ASH1L: variants seen among roughly 807,000 people sequenced by gnomAD.
The protein encoded by ASH1L is histone-lysine N-methyltransferase ASH1L.
ASH1L carries 23 observed loss-of-function variants against 269.0 expected under a neutral mutation model. The observed-to-expected ratio is 0.09, with a 90% CI of 0.06 to 0.12. The LOEUF is 0.12. Among genes scored for constraint, ASH1L ranks in the 10% least tolerant of loss-of-function variants. The probability of loss-of-function intolerance (pLI) is 1.00; values close to 1 mark genes in which losing one functional copy is unlikely to be tolerated. For missense variants in ASH1L, 2,912 were observed against 3,567.8 expected, an observed-to-expected ratio of 0.82 and a Z score of 4.68; for synonymous variants, 1,187 against 1,253.5, an observed-to-expected ratio of 0.95 and a Z score of 1.12.
At chr1:155,471,307 G>A (rs1009644906) in intron 3 of ASH1L, among the ~76,000 whole-genome samples, 10 of 152,230 alleles carry the variant, frequency 6.6e-5, no homozygotes, top group African/African-American at 2.4e-4. Flanking sequence ...GAATGTCTCT[G>A]TTACGACAGT....
At chr1:155,433,585 G>C (rs760007664) in intron 5 of ASH1L, 1 of 1,610,978 alleles carries the variant, frequency 6.2e-7, no homozygotes, top group South Asian at 1.1e-5. Context: ...ACCCGCAGGA[G>C]TCCCAGAACA....
chr1:155,522,191 G>C (rs927303987), intron 1 of ASH1L, among the ~76,000 whole-genome samples: 2 of 152,160 alleles, frequency 1.3e-5, no homozygotes, highest in Non-Finnish European at 2.9e-5. Context: ...TTTTAGAAGA[G>C]ATTATCAGGC....
chr1:155,371,556 TAAATA>T (rs1655947033), intron 10 of ASH1L, among the ~76,000 whole-genome samples: 1 of 151,770 alleles, frequency 6.6e-6, no homozygotes, highest in African/African-American at 2.4e-5. Flanking sequence ...TCAAAATAAA[TAAATA>T]AAATAAATAA....
intron 4 of ASH1L, among the ~76,000 whole-genome samples, chr1:155,443,130 A>G (rs1433093618): frequency 6.6e-6 from 1 of 152,242 alleles, no homozygotes; most frequent in East Asian, 1.9e-4. Flanking sequence ...ATTAACACGT[A>G]GTTGAAGAAT....
At chr1:155,548,491 C>A (rs1173298778) in intron 1 of ASH1L, among the ~76,000 whole-genome samples, 1 of 152,168 alleles carries the variant, frequency 6.6e-6, no homozygotes, top group Non-Finnish European at 1.5e-5. Context: ...CCATTGTACT[C>A]CAGCCTAGGC....
intron 13 of ASH1L, among the ~76,000 whole-genome samples, chr1:155,358,357 A>G (rs1167762338): frequency 6.6e-6 from 1 of 152,092 alleles, no homozygotes; most frequent in Non-Finnish European, 1.5e-5. Context: ...AGTACAGAGT[A>G]AAAAACTGTC....
At chr1:155,551,274 C>G (rs1207832166) in intron 1 of ASH1L, among the ~76,000 whole-genome samples, 1 of 151,152 alleles carries the variant, frequency 6.6e-6, no homozygotes, top group Non-Finnish European at 1.5e-5. Context: ...GTATCTTTTC[C>G]TCGGGGGGGA....
chr1:155,486,098 C>G (rs919889800), intron 2 of ASH1L, among the ~76,000 whole-genome samples: 1 of 152,154 alleles, frequency 6.6e-6, no homozygotes, highest in Admixed American at 6.5e-5. Flanking sequence ...GACATTTGAA[C>G]TCAACCAAAA....
chr1:155,470,086 TCCC>T (rs986038029), intron 3 of ASH1L, among the ~76,000 whole-genome samples: 4 of 152,052 alleles, frequency 2.6e-5, no homozygotes, highest in Admixed American at 6.6e-5. Context: ...AATTCAAAAC[TCCC>T]TCCTCCTTCC....
chr1:155,465,302 A>ACC (rs1323866482), intron 3 of ASH1L, among the ~76,000 whole-genome samples: 1 of 151,502 alleles, frequency 6.6e-6, no homozygotes, highest in East Asian at 1.9e-4. Context: ...AAAAAAAAAA[A>ACC]AAAAAAAAAA....
At chr1:155,496,009 AT>A (rs1370460417) in intron 2 of ASH1L, among the ~76,000 whole-genome samples, 3 of 152,328 alleles carry the variant, frequency 2.0e-5, no homozygotes, top group South Asian at 2.1e-4. Context: ...TTAAAAAAAA[AT>A]AAATAAATAA....
intron 1 of ASH1L, among the ~76,000 whole-genome samples, chr1:155,534,180 G>GA (rs1011328835): frequency 0.02 from 2,248 of 110,526 alleles, 50 homozygotes; most frequent in African/African-American, 0.064. Flanking sequence ...TCTCAAAAAA[G>GA]AAAAAAAAAA....
intron 3 of ASH1L, among the ~76,000 whole-genome samples, chr1:155,461,386 A>AT (rs1294611210): frequency 5.3e-5 from 8 of 151,150 alleles, no homozygotes; most frequent in South Asian, 2.1e-4. Flanking sequence ...AACACGTTAA[A>AT]TTTTTTTTTA....
intron 12 of ASH1L, among the ~76,000 whole-genome samples, chr1:155,361,683 A>T (rs888283285): frequency 3.3e-5 from 5 of 151,784 alleles, no homozygotes; most frequent in African/African-American, 1.2e-4. Context: ...TAGCCTGGGC[A>T]ACAGGACGAG....
chr1:155,471,374 C>T (rs1331880175), intron 3 of ASH1L, among the ~76,000 whole-genome samples: 1 of 152,208 alleles, frequency 6.6e-6, no homozygotes, highest in Non-Finnish European at 1.5e-5. Context: ...AAGACCAAAT[C>T]ACATAATTAA....
At chr1:155,357,276 T>A (rs536616748) in intron 15 of ASH1L, 40 bp downstream of exon 15, 1 of 1,508,716 alleles carries the variant, frequency 6.6e-7, no homozygotes. Flanking sequence ...AGCAATCATG[T>A]AACTTACAAA....
chr1:155,349,672 G>A, intron 17 of ASH1L, 76 bp from the exon 18 acceptor site: 1 of 944,736 alleles, frequency 1.1e-6, no homozygotes, highest in Non-Finnish European at 1.6e-6. Context: ...TGGAAGAATA[G>A]AATCCCTCAA....
chr1:155,378,664 TACAAG>T, intron 8 of ASH1L, 116 bp from the exon 9 acceptor site: 1 of 803,590 alleles, frequency 1.2e-6, no homozygotes, highest in African/African-American at 1.7e-5. Flanking sequence ...TGGAAATATT[TACAAG>T]ACATTTTGGG....
Position 155,343,202 on chromosome 1 carries a change from C to T in ASH1L, c.8293+112G>A. The T allele has an allele frequency of 8.1e-7, 1 of 1,240,734 alleles. No homozygotes were observed. The allele number at this position is 1,240,734 out of a possible 1,614,324, so 76.9% of individuals were successfully genotyped here. A position where few individuals can be genotyped will look rare whatever the true frequency, so the allele number is the denominator to read the frequency against. The stretch of plus-strand genomic sequence containing the variant: ...TGCCACGTTGGCCAGGCTGGTCTCA[C>T]ACTCCTGGGCTTAAGCAATCTGCCT... On this transcript the variant is annotated intron_variant, in intron 24 of 27. Transcript: ENST00000392403. This position sits in a 1 kb window ranked among gnomAD's most constrained non-coding sequence, Gnocchi z 6.1.
Sources: allele counts gnomAD v4.1 joint callset (sites outside exome capture counted in the v4.1 genomes callset), GRCh38; gene constraint gnomAD v4.1.1; non-coding constraint Gnocchi (gnomAD v3.1); transcripts MANE v1.5; gene names NCBI Gene and HGNC (gene_info 2026-07-23, HGNC 2026-07-21).